Variants in SERPINA6 observed in about 807,000 individuals in gnomAD.
SERPINA6 encodes the protein corticosteroid-binding globulin.
In SERPINA6, 19 loss-of-function variants were observed where a neutral mutation model predicts 26.4. The observed-to-expected ratio is 0.72, with a 90% confidence interval of 0.50 to 1.06. The LOEUF (loss-of-function observed/expected upper bound fraction) is 1.06, where lower values mean the gene tolerates loss of function less well. Ranked by LOEUF, SERPINA6 falls within the 50% of genes least tolerant of loss-of-function variation. The probability of loss-of-function intolerance (pLI) is 0.00; values close to 1 mark genes in which losing one functional copy is unlikely to be tolerated. For missense variants in SERPINA6, 473 were observed against 504.0 expected (o/e 0.94, Z 0.59); for synonymous variants, 196 against 199.4 (o/e 0.98, Z 0.14).
At chr14:94,322,933 C>CTGTGGCTGT (rs1265306775) in intron 1 of SERPINA6, among the ~76,000 whole-genome samples, 2 of 137,806 alleles carry the variant, frequency 1.5e-5, no homozygotes, top group Non-Finnish European at 1.6e-5. Context: ...GGCTGCGACT[C>CTGTGGCTGT]TGTGGCTGTT....
At chr14:94,319,165 T>G (rs1200390904) in intron 1 of SERPINA6, among the ~76,000 whole-genome samples, 6 of 152,170 alleles carry the variant, frequency 3.9e-5, no homozygotes, top group Non-Finnish European at 7.3e-5. Context: ...AAACAATAAG[T>G]TGGCACACCA....
chr14:94,309,885 G>C lies in SERPINA6; in HGVS notation c.735C>G (p.Asp245Glu), dbSNP rs765624279. The stretch of plus-strand genomic sequence containing the variant: ...GCACCAGCTGGCAGGGGAGCTCCGA[G>C]TCATGAAGGTAACTGATGGTGCTCG... The part of the protein sequence containing the change: ...LQSSTISYLH[D>E]SELPCQLVQM... Residue 245 changes from aspartate to glutamate, a missense_variant, in exon 3 of 5, where the codon GAC (aspartate) becomes GAG (glutamate). Physicochemically the swap from Asp to Glu is conservative, Grantham distance 45. Coordinates refer to ENST00000341584, the MANE Select transcript of SERPINA6 (RefSeq NM_001756.4). 1.2e-6 allele frequency: 2 copies of C among 1,614,026 alleles called. No individual in the cohort carries two copies. The highest frequency in any genetic ancestry group is 2.7e-5 in the African/African-American group (2 of 74,922).
At chr14:94,314,829 T>A in intron 1 of SERPINA6, 162 bp from the exon 2 acceptor site, 1 of 672,006 alleles carries the variant, frequency 1.5e-6, no homozygotes, top group Non-Finnish European at 2.6e-6. Flanking sequence ...GACTTCAGTT[T>A]CCTCATCTGG....
intron 3 of SERPINA6, among the ~76,000 whole-genome samples, chr14:94,306,848 G>A (rs368236802): frequency 2.6e-5 from 4 of 152,340 alleles, no homozygotes; most frequent in Admixed American, 2.6e-4. Flanking sequence ...GGGCATCTAC[G>A]CTTTTTAACA....
At chr14:94,315,126 G>A (rs1566728738) in intron 1 of SERPINA6, among the ~76,000 whole-genome samples, 1 of 152,184 alleles carries the variant, frequency 6.6e-6, no homozygotes, top group Admixed American at 6.5e-5. Context: ...CAAGAAATGA[G>A]AGGCATTTTA....
intron 1 of SERPINA6, among the ~76,000 whole-genome samples, chr14:94,318,279 A>G (rs1288296215): frequency 6.6e-6 from 1 of 152,224 alleles, no homozygotes; most frequent in African/African-American, 2.4e-5. Context: ...TGCAATTCCT[A>G]TCAAAATTCC....
Position 94,306,142 on chromosome 14 carries a change from T to C in SERPINA6, c.961A>G (p.Ile321Val), listed in dbSNP as rs904139690. ...GCCTGGTTGGTGAACAAGTCTGCAA[T>C]GCCCATTTCCTCCAGCACATCTCCG... ...DLGDVLEEMG[I>V]ADLFTNQANF... Residue 321 changes from isoleucine (I) to valine (V), a missense_variant, in exon 4 of 5, where the codon ATT becomes GTT. Ile to Val is a conservative substitution (Grantham distance 29). Coordinates refer to ENST00000341584, the MANE Select transcript of SERPINA6 (RefSeq NM_001756.4). 1 of 1,614,100 alleles carries C rather than the reference T, an allele frequency of 6.2e-7. No homozygotes were observed. The highest frequency in any genetic ancestry group is 8.5e-7 in the Non-Finnish European group (1 of 1,180,038).
intron 1 of SERPINA6, 82 bp from the exon 2 acceptor site, chr14:94,314,749 ACCCCATTCAAG>A: frequency 7.4e-7 from 1 of 1,350,882 alleles, no homozygotes; most frequent in Non-Finnish European, 1.0e-6. Context: ...CAGGCAAAAG[ACCCCATTCAAG>A]CCCCAGTTCC....
At chr14:94,313,333 T>C (rs539928813) in intron 2 of SERPINA6, among the ~76,000 whole-genome samples, 133 of 152,312 alleles carry the variant, frequency 8.7e-4, no homozygotes, top group Middle Eastern at 3.4e-3. Context: ...GAGGGAATCA[T>C]AATTGCTAAT....
intron 3 of SERPINA6, among the ~76,000 whole-genome samples, chr14:94,306,993 C>T (rs1194476385): frequency 2.0e-5 from 3 of 152,144 alleles, no homozygotes; most frequent in Non-Finnish European, 4.4e-5. Context: ...AGGGAAGGCA[C>T]GAGACCCTCT....
chr14:94,321,757 C>T (rs1895686967), intron 1 of SERPINA6, among the ~76,000 whole-genome samples: 1 of 152,178 alleles, frequency 6.6e-6, no homozygotes, highest in Non-Finnish European at 1.5e-5. Context: ...TCCAGGAAGC[C>T]TTGTATCTGT....
chr14:94,309,700 C>A, intron 3 of SERPINA6, 36 bp downstream of exon 3: 1 of 1,611,558 alleles, frequency 6.2e-7, no homozygotes, highest in Non-Finnish European at 8.5e-7. Context: ...GGGACACGTG[C>A]ATTGCAGAAA....
chr14:94,314,114 G>C lies in SERPINA6; in HGVS notation c.535C>G (p.Gln179Glu), dbSNP rs1382498213. Residue 179 changes from glutamine (Q) to glutamate (E), a missense_variant, in exon 2 of 5, where the codon CAG becomes GAG. Physicochemically the swap from Gln to Glu is conservative, Grantham distance 29. Coordinates refer to ENST00000341584, the MANE Select transcript of SERPINA6 (RefSeq NM_001756.4). ...GAAAACAAGTCGACAATTTTCCCCT[G>C]TGTCTTATTCTTGACATAGCTGTTG... ...QINSYVKNKT[Q>E]GKIVDLFSGL... The C allele has an allele frequency of 6.2e-7, 1 of 1,614,032 alleles. No individual in the cohort carries two copies. The highest frequency in any genetic ancestry group is 1.3e-5 in the African/African-American group (1 of 74,920).
intron 3 of SERPINA6, among the ~76,000 whole-genome samples, chr14:94,308,003 C>T (rs951430404): frequency 2.6e-5 from 4 of 152,234 alleles, no homozygotes; most frequent in Non-Finnish European, 5.9e-5. Flanking sequence ...TTATCTACTG[C>T]AAAATTTTTA....
intron 3 of SERPINA6, among the ~76,000 whole-genome samples, chr14:94,307,558 G>A (rs1259629760): frequency 1.3e-5 from 2 of 152,170 alleles, no homozygotes; most frequent in Admixed American, 6.5e-5. Context: ...AGTGGAGTAT[G>A]AGCTGGAATG....
At position 94,314,014 on chromosome 14, in the gene SERPINA6, A is replaced by T. The variant is rs536142637; in HGVS notation, c.613+22T>A. 3.2e-5 allele frequency: 51 copies of T among 1,614,082 alleles called. No homozygotes were observed. In the South Asian group the frequency reaches 5.2e-4, roughly 16 times the overall value. On this transcript the variant is annotated intron_variant, in intron 2 of 4. Transcript: ENST00000341584. The stretch of plus-strand genomic sequence containing the variant: ...TCCTGGCCATAGTGGATGGGCCTTC[A>T]GATGGGGATGGGTGGGAATACCTTT...
intron 1 of SERPINA6, among the ~76,000 whole-genome samples, chr14:94,316,334 CTGT>C (rs1268480481): frequency 3.3e-5 from 5 of 152,104 alleles, no homozygotes; most frequent in Non-Finnish European, 7.4e-5. Flanking sequence ...AATGTGTATT[CTGT>C]TGTTGTAGGG....
At chr14:94,322,714 C>G (rs1209376992) in intron 1 of SERPINA6, among the ~76,000 whole-genome samples, 1 of 152,230 alleles carries the variant, frequency 6.6e-6, no homozygotes, top group Admixed American at 6.5e-5. Flanking sequence ...GTAGTGAAAC[C>G]TCATGACATG....
intron 1 of SERPINA6, among the ~76,000 whole-genome samples, chr14:94,319,814 T>C (rs1464497524): frequency 6.6e-6 from 1 of 151,708 alleles, no homozygotes; most frequent in Non-Finnish European, 1.5e-5. Context: ...GATTGGGGAG[T>C]TATTGTTGAG....
Sources: allele counts gnomAD v4.1 joint callset (sites outside exome capture counted in the v4.1 genomes callset), GRCh38; gene constraint gnomAD v4.1.1; transcripts MANE v1.5; gene names NCBI Gene and HGNC (gene_info 2026-07-23, HGNC 2026-07-21).